MTRF1: variants seen among roughly 807,000 people sequenced by gnomAD.
The protein encoded by MTRF1 is mitochondrial translation release factor 1.
Under a neutral mutation model 62.9 loss-of-function variants are expected in MTRF1, and 51 were observed. The ratio of observed to expected loss-of-function variants is 0.81; its 90% CI spans 0.65 to 1.02. MTRF1 has a LOEUF of 1.02. Among genes scored for constraint, MTRF1 ranks in the 50% least tolerant of loss-of-function variants. The probability of loss-of-function intolerance (pLI) is 0.00; values close to 1 mark genes in which losing one functional copy is unlikely to be tolerated. For synonymous variants in MTRF1, 158 were observed against 181.9 expected, an observed-to-expected ratio of 0.87 and a Z score of 1.06; for missense variants, 446 against 530.0, an observed-to-expected ratio of 0.84 and a Z score of 1.56.
At chr13:41,259,421 T>G (rs956815751) in intron 2 of MTRF1, among the ~76,000 whole-genome samples, 11 of 152,316 alleles carry the variant, frequency 7.2e-5, no homozygotes, top group African/African-American at 2.4e-4. Flanking sequence ...AAGTACTGGC[T>G]GGGCATGGTG....
At chr13:41,259,311 CA>C (rs767259905) in intron 2 of MTRF1, among the ~76,000 whole-genome samples, 13 of 151,938 alleles carry the variant, frequency 8.6e-5, no homozygotes, top group African/African-American at 2.4e-4. Context: ...TTATAATAAC[CA>C]AAAAGTGGAA....
the MTRF1 span, among the ~76,000 whole-genome samples, chr13:41,273,268 G>T: frequency 6.6e-6 from 1 of 151,758 alleles, no homozygotes; most frequent in Non-Finnish European, 1.5e-5. Flanking sequence ...GGAGGTTGCA[G>T]TGAGCCGAGA....
chr13:41,260,119 A>G (rs529937342), intron 2 of MTRF1, among the ~76,000 whole-genome samples: 1 of 152,320 alleles, frequency 6.6e-6, no homozygotes, highest in African/African-American at 2.4e-5. Context: ...TACTCTGGGT[A>G]CAGAGTCCTG....
the MTRF1 span, among the ~76,000 whole-genome samples, chr13:41,289,655 A>G: frequency 5.3e-5 from 8 of 152,316 alleles, no homozygotes; most frequent in Admixed American, 4.6e-4. Flanking sequence ...TCACTGTTTG[A>G]TGGTCTGCTG....
chr13:41,311,189 C>G, the MTRF1 span: 3 of 450,128 alleles, frequency 6.7e-6, no homozygotes, highest in African/African-American at 6.3e-5. Context: ...CCCGTAGTCA[C>G]CCGCAGCCCC....
At chr13:41,296,806 A>G in the MTRF1 span, among the ~76,000 whole-genome samples, 4 of 152,178 alleles carry the variant, frequency 2.6e-5, no homozygotes, top group African/African-American at 7.2e-5. Flanking sequence ...TGACATTATC[A>G]GTCATAATTC....
chr13:41,284,711 T>C, the MTRF1 span, among the ~76,000 whole-genome samples: 53 of 152,116 alleles, frequency 3.5e-4, no homozygotes, highest in Non-Finnish European at 5.4e-4. Context: ...TGGAGTGCAG[T>C]GGCGTGATAT....
At chr13:41,254,650 A>C in intron 2 of MTRF1, 30 bp from the exon 3 acceptor site, 1 of 1,550,242 alleles carries the variant, frequency 6.5e-7, no homozygotes, top group East Asian at 2.2e-5. Flanking sequence ...ATAATGATAA[A>C]GTTTTTAAAT....
chr13:41,228,568 C>T (rs951559433), intron 7 of MTRF1, among the ~76,000 whole-genome samples: 7 of 151,884 alleles, frequency 4.6e-5, no homozygotes, highest in African/African-American at 1.7e-4. Flanking sequence ...GACCCAGTCT[C>T]AAAAGAAAGA....
chr13:41,231,245 G>C (rs1440739087), intron 7 of MTRF1, among the ~76,000 whole-genome samples: 1 of 152,210 alleles, frequency 6.6e-6, no homozygotes, highest in Non-Finnish European at 1.5e-5. Context: ...ACTTTGCCCT[G>C]CTAAGTGCCA....
At chr13:41,244,581 A>G (rs934994014) in intron 5 of MTRF1, among the ~76,000 whole-genome samples, 1 of 152,318 alleles carries the variant, frequency 6.6e-6, no homozygotes, top group East Asian at 1.9e-4. Context: ...TATGATCAAT[A>G]GCATATGGTA....
At chr13:41,255,214 G>T (rs1397119423) in intron 2 of MTRF1, among the ~76,000 whole-genome samples, 4 of 148,490 alleles carry the variant, frequency 2.7e-5, no homozygotes, top group East Asian at 2.0e-4. Context: ...AGTTCACATT[G>T]TTTTTTTTTT....
intron 5 of MTRF1, among the ~76,000 whole-genome samples, chr13:41,246,012 C>G (rs1201923888): frequency 6.6e-6 from 1 of 150,476 alleles, no homozygotes; most frequent in Non-Finnish European, 1.5e-5. Context: ...CTAGACTGCT[C>G]TGGCCTCTTT....
chr13:41,237,076 AGGCATTGTG>A (rs2036724538), intron 6 of MTRF1, among the ~76,000 whole-genome samples: 1 of 151,966 alleles, frequency 6.6e-6, no homozygotes, highest in African/African-American at 2.4e-5. Flanking sequence ...AAAATTAGCC[AGGCATTGTG>A]GCACACACCT....
At chr13:41,285,808 T>G in the MTRF1 span, among the ~76,000 whole-genome samples, 3 of 151,942 alleles carry the variant, frequency 2.0e-5, no homozygotes, top group African/African-American at 4.8e-5. Flanking sequence ...GGGCCGGGCG[T>G]GGTGGCTCAT....
rs2138851222 is a variant in MTRF1, at chr13:41,233,924, A to G, written c.954T>C (p.Thr318=). ...TGTGGACAAGTCTGACGGCACTATCAGTTTTATTAACATGCTGCCCTCCTG... is the reference window on the plus strand; with the variant it reads ...TGTGGACAAGTCTGACGGCACTATCGGTTTTATTAACATGCTGCCCTCCTG... ...KGAGGQHVNK[T]DSAVRLVHIP... is the part of the protein sequence containing the mutation. Residue 318 remains threonine (T), a synonymous_variant, in exon 7 of 10, where the codon ACT becomes ACC. Coordinates refer to ENST00000379480, the MANE Select transcript of MTRF1 (RefSeq NM_004294.4). 2 of 1,614,100 alleles carry G rather than the reference A, an allele frequency of 1.2e-6. No homozygotes were observed. The highest frequency in any genetic ancestry group is 2.2e-5 in the East Asian group (1 of 44,888).
At chr13:41,267,595 G>T (rs143650394), upstream of MTRF1, among the ~76,000 whole-genome samples, 16 of 152,112 alleles carry the variant, frequency 1.1e-4, no homozygotes, top group African/African-American at 3.9e-4. Flanking sequence ...AAAGCCAGGC[G>T]CTGTGGCTCA....
the MTRF1 span, among the ~76,000 whole-genome samples, chr13:41,279,289 CAACTCTT>C: frequency 6.6e-6 from 1 of 152,184 alleles, no homozygotes; most frequent in South Asian, 2.1e-4. Flanking sequence ...TGTGCCCAGC[CAACTCTT>C]AAGTCTTGGA....
chr13:41,297,991 A>T, the MTRF1 span, among the ~76,000 whole-genome samples: 1 of 152,184 alleles, frequency 6.6e-6, no homozygotes, highest in Non-Finnish European at 1.5e-5. Context: ...GAACCTAATA[A>T]TTCAATCTTA....
Sources: allele counts gnomAD v4.1 joint callset (sites outside exome capture counted in the v4.1 genomes callset), GRCh38; gene constraint gnomAD v4.1.1; transcripts MANE v1.5; gene names NCBI Gene and HGNC (gene_info 2026-07-23, HGNC 2026-07-21).